The following SPMIP8 variants were observed in gnomAD, a reference collection of about 807,000 sequenced individuals.
SPMIP8 encodes testicular tissue protein Li 196.
At chr16:57,977,693 T>G in the SPMIP8 span, 1 of 1,084,674 alleles carries the variant, frequency 9.2e-7, no homozygotes, top group Non-Finnish European at 1.3e-6. Context: ...TGGCACACAG[T>G]AGGTGCTAAA....
At chr16:57,987,415 C>G in the SPMIP8 span, 6 of 1,597,700 alleles carry the variant, frequency 3.8e-6, no homozygotes, top group African/African-American at 8.1e-5. Context: ...CTACCTGACC[C>G]CCTGGCATTA....
At chr16:57,985,674 C>T in the SPMIP8 span, 1 of 1,334,308 alleles carries the variant, frequency 7.5e-7, no homozygotes, top group Non-Finnish European at 1.0e-6. Flanking sequence ...CTCCAATACA[C>T]CAGAAACAAA....
the SPMIP8 span, chr16:57,985,450 C>A: frequency 1.9e-6 from 3 of 1,613,712 alleles, no homozygotes; most frequent in African/African-American, 2.7e-5. Context: ...TCCCCCGACT[C>A]ACCGCGCCCC....
the SPMIP8 span, chr16:57,985,255 C>A: frequency 1.3e-6 from 2 of 1,559,930 alleles, no homozygotes; most frequent in Non-Finnish European, 8.7e-7. Context: ...CCGACGTGAC[C>A]CAGACCTGGC....
the SPMIP8 span, chr16:57,984,847 G>A: frequency 1.9e-6 from 3 of 1,558,074 alleles, no homozygotes; most frequent in East Asian, 6.9e-5. Context: ...TGCCGGGCAG[G>A]TGGGCCGCGG....
At chr16:57,983,514 G>T in the SPMIP8 span, among the ~76,000 whole-genome samples, 1 of 151,864 alleles carries the variant, frequency 6.6e-6, no homozygotes, top group Non-Finnish European at 1.5e-5. Flanking sequence ...AAAAGAATTT[G>T]CCCATGTTCA....
chr16:57,985,407 G>A, the SPMIP8 span: 2 of 1,611,648 alleles, frequency 1.2e-6, no homozygotes, highest in African/African-American at 2.7e-5. Context: ...CTAGCAGGAA[G>A]CCCTGTGTGG....
chr16:57,985,239 T>C, the SPMIP8 span: 4 of 1,555,760 alleles, frequency 2.6e-6, no homozygotes, highest in Non-Finnish European at 3.5e-6. Flanking sequence ...GTGCGGTACT[T>C]GAAGCCCGAC....
chr16:57,979,049 A>G, the SPMIP8 span, among the ~76,000 whole-genome samples: 1 of 152,220 alleles, frequency 6.6e-6, no homozygotes, highest in African/African-American at 2.4e-5. Flanking sequence ...CACAGCCCCC[A>G]TGCAGGAGAG....
the SPMIP8 span, chr16:57,987,574 C>A: frequency 2.3e-6 from 2 of 856,096 alleles, no homozygotes; most frequent in Non-Finnish European, 3.3e-6. Flanking sequence ...GAGACACACG[C>A]AATTGTCTCT....
At chr16:57,979,815 C>A in the SPMIP8 span, among the ~76,000 whole-genome samples, 3 of 152,234 alleles carry the variant, frequency 2.0e-5, no homozygotes, top group Admixed American at 2.0e-4. Flanking sequence ...CACCCACAAT[C>A]TCAGCACTTT....
the SPMIP8 span, chr16:57,985,113 C>CG: frequency 3.1e-4 from 345 of 1,121,916 alleles, no homozygotes; most frequent in Admixed American, 1.5e-3. Flanking sequence ...GGATTGTGGG[C>CG]GGGGCTGGAT....
chr16:57,978,053 T>C, the SPMIP8 span: 8 of 1,606,986 alleles, frequency 5.0e-6, no homozygotes, highest in South Asian at 1.1e-5. Flanking sequence ...AGGACACCAG[T>C]GTAGGATCCC....
chr16:57,985,514 C>G, the SPMIP8 span: 1 of 1,611,902 alleles, frequency 6.2e-7, no homozygotes, highest in East Asian at 2.2e-5. Context: ...GCCTGGACCG[C>G]TACGGACAGA....
the SPMIP8 span, among the ~76,000 whole-genome samples, chr16:57,981,064 C>G: frequency 6.6e-6 from 1 of 152,114 alleles, no homozygotes; most frequent in African/African-American, 2.4e-5. Flanking sequence ...CCTTGCCTGG[C>G]ATGGCCTTAG....
chr16:57,985,291 C>G, the SPMIP8 span: 10 of 1,554,782 alleles, frequency 6.4e-6, no homozygotes, highest in East Asian at 1.6e-4. Context: ...CGCGCAGACC[C>G]GTCCCTGAGC....
the SPMIP8 span, chr16:57,985,453 C>A: frequency 1.9e-6 from 3 of 1,613,684 alleles, no homozygotes; most frequent in East Asian, 2.2e-5. Context: ...CCCGACTCAC[C>A]GCGCCCCTAT....
chr16:57,987,680 G>C, the SPMIP8 span: 1 of 409,350 alleles, frequency 2.4e-6, no homozygotes, highest in African/African-American at 2.1e-5. Flanking sequence ...GAGGACTGGT[G>C]GGGGGTTGGA....
the SPMIP8 span, among the ~76,000 whole-genome samples, chr16:57,981,634 C>T: frequency 6.7e-6 from 1 of 149,156 alleles, no homozygotes; most frequent in African/African-American, 2.5e-5. Context: ...GCCTCAGCCT[C>T]CTGAGTAGCT....
Sources: allele counts gnomAD v4.1 joint callset (sites outside exome capture counted in the v4.1 genomes callset), GRCh38; gene constraint gnomAD v4.1.1; transcripts MANE v1.5; gene names NCBI Gene and HGNC (gene_info 2026-07-23, HGNC 2026-07-21).